Variants in C4orf51 observed in about 807,000 individuals in gnomAD.
The protein encoded by C4orf51 is uncharacterized protein C4orf51.
A neutral mutation model predicts 25.2 loss-of-function variants in C4orf51; 25 were observed. The ratio of observed to expected loss-of-function variants is 0.99; its 90% CI spans 0.72 to 1.39. The LOEUF is 1.39. C4orf51 is among the 40% of genes most tolerant of loss of function. The probability of loss-of-function intolerance (pLI) is 0.00; values close to 1 mark genes in which losing one functional copy is unlikely to be tolerated. For missense variants in C4orf51, 252 were observed against 239.6 expected, an observed-to-expected ratio of 1.05 and a Z score of -0.34; for synonymous variants, 100 against 84.5, an observed-to-expected ratio of 1.18 and a Z score of -1.01.
At chr4:145,777,152 C>T in the C4orf51 span, among the ~76,000 whole-genome samples, 1 of 152,154 alleles carries the variant, frequency 6.6e-6, no homozygotes, top group African/African-American at 2.4e-5. Flanking sequence ...TATAGGTGGT[C>T]CCCAACATCT....
chr4:145,739,854 AGTT>A (rs2126791014), intron 1 of C4orf51, among the ~76,000 whole-genome samples: 1 of 152,288 alleles, frequency 6.6e-6, no homozygotes, highest in East Asian at 1.9e-4. Context: ...TTGAGCTCCT[AGTT>A]GTTAGATGCT....
chr4:145,724,780 A>G (rs1405421684), intron 2 of C4orf51, among the ~76,000 whole-genome samples: 1 of 146,648 alleles, frequency 6.8e-6, no homozygotes, highest in East Asian at 2.2e-4. Flanking sequence ...GCTACTTGAG[A>G]GGCTGAGGCA....
intron 1 of C4orf51, among the ~76,000 whole-genome samples, chr4:145,744,195 A>C (rs1051057024): frequency 1.3e-5 from 2 of 151,762 alleles, no homozygotes; most frequent in Non-Finnish European, 2.9e-5. Context: ...TGGAGGGGGA[A>C]TCTTGGGGGG....
downstream of C4orf51, among the ~76,000 whole-genome samples, chr4:145,732,969 C>T (rs1189195082): frequency 1.3e-5 from 2 of 152,170 alleles, no homozygotes; most frequent in Admixed American, 1.3e-4. Flanking sequence ...GAGCCGGAGC[C>T]TTCCACCGCC....
chr4:145,690,302 A>C (rs1001436355), intron 1 of C4orf51, among the ~76,000 whole-genome samples: 1 of 151,950 alleles, frequency 6.6e-6, no homozygotes, highest in Non-Finnish European at 1.5e-5. Flanking sequence ...TCAGGAGATC[A>C]AGACCATCCT....
intron 2 of C4orf51, among the ~76,000 whole-genome samples, chr4:145,725,766 G>A (rs1042724278): frequency 6.6e-6 from 1 of 152,068 alleles, no homozygotes; most frequent in Non-Finnish European, 1.5e-5. Context: ...TGGTTTTCTA[G>A]TGCTGGTGGT....
At chr4:145,712,599 C>T (rs1355993743) in intron 2 of C4orf51, among the ~76,000 whole-genome samples, 2 of 152,178 alleles carry the variant, frequency 1.3e-5, no homozygotes, top group Non-Finnish European at 2.9e-5. Flanking sequence ...TTGAAGCTAG[C>T]AGTTGTTGTT....
chr4:145,704,055 CAG>C (rs1730638908), intron 2 of C4orf51, among the ~76,000 whole-genome samples: 1 of 152,200 alleles, frequency 6.6e-6, no homozygotes, highest in East Asian at 1.9e-4. Flanking sequence ...AATGCAGACT[CAG>C]AGCATGTCCA....
intron 1 of C4orf51, among the ~76,000 whole-genome samples, chr4:145,746,823 A>G (rs1733395161): frequency 6.6e-6 from 1 of 152,062 alleles, no homozygotes; most frequent in African/African-American, 2.4e-5. Flanking sequence ...CATTTTAACA[A>G]TATTGATTCT....
At chr4:145,778,244 C>T in the C4orf51 span, among the ~76,000 whole-genome samples, 1 of 152,224 alleles carries the variant, frequency 6.6e-6, no homozygotes, top group Non-Finnish European at 1.5e-5. Flanking sequence ...AGCAATTCTC[C>T]TGCCTCAGCC....
chr4:145,764,974 C>A, intron 1 of C4orf51: 4 of 1,610,992 alleles, frequency 2.5e-6, no homozygotes, highest in Non-Finnish European at 3.4e-6. Flanking sequence ...AGGTTCTGTA[C>A]TTGCTTTCCT....
chr4:145,680,352 G>T lies in C4orf51; in HGVS notation c.149G>T (p.Gly50Val). 6.2e-7 allele frequency: 1 copy of T among 1,613,912 alleles called. No individual in the cohort carries two copies. The highest frequency in any genetic ancestry group is 1.3e-5 in the African/African-American group (1 of 75,028). ...GATTCTTCCGTGACAACATACACAG[G>T]CAGTTACCGGAAAAAACAACTGGAC... ...WSDSSVTTYT[G>V]SYRKKQLDKS... The change falls in exon 1 of 6, where the codon GGC becomes GTC. Residue 50 changes from glycine to valine, a missense_variant. Coordinates refer to ENST00000438731, the MANE Select transcript of C4orf51 (RefSeq NM_001080531.3).
intron 1 of C4orf51, among the ~76,000 whole-genome samples, chr4:145,749,468 T>A (rs1485600773): frequency 6.6e-6 from 1 of 152,142 alleles, no homozygotes; most frequent in East Asian, 1.9e-4. Context: ...TCTGGTTGTT[T>A]TGTGGTCTTC....
chr4:145,713,758 G>A (rs556129355), intron 2 of C4orf51, among the ~76,000 whole-genome samples: 2 of 152,074 alleles, frequency 1.3e-5, no homozygotes, highest in East Asian at 1.9e-4. Flanking sequence ...TTAAATTAAG[G>A]TATGTCCATT....
chr4:145,738,169 G>A (rs1732901828), intron 1 of C4orf51, among the ~76,000 whole-genome samples: 2 of 152,174 alleles, frequency 1.3e-5, no homozygotes, highest in Non-Finnish European at 2.9e-5. Context: ...TATACTCCCA[G>A]CAGGGCTCAG....
chr4:145,776,174 C>A, the C4orf51 span, among the ~76,000 whole-genome samples: 1 of 152,094 alleles, frequency 6.6e-6, no homozygotes, highest in Admixed American at 6.6e-5. Flanking sequence ...AGAAAATCTC[C>A]GGCTGGGCAC....
chr4:145,686,233 T>C (rs540765191), intron 1 of C4orf51, among the ~76,000 whole-genome samples: 6 of 152,290 alleles, frequency 3.9e-5, no homozygotes, highest in Admixed American at 3.3e-4. Context: ...GAATACATGT[T>C]ACCAGAGGCT....
downstream of C4orf51, chr4:145,774,379 G>C (rs1008664509): frequency 9.5e-7 from 1 of 1,056,242 alleles, no homozygotes; most frequent in African/African-American, 1.6e-5. Context: ...CCTTGGGAAA[G>C]TCCTTCCTTC....
chr4:145,693,856 T>A (rs1729805618), intron 1 of C4orf51, among the ~76,000 whole-genome samples: 4 of 72,514 alleles, frequency 5.5e-5, no homozygotes. Context: ...CCCCCCCACC[T>A]CCCTCCCGGA....
Sources: gnomAD v4.1 joint callset for allele counts (sites outside exome capture counted in the v4.1 genomes callset) on GRCh38, gnomAD v4.1.1 for gene constraint, MANE v1.5 for transcripts, NCBI Gene and HGNC (gene_info 2026-07-23, HGNC 2026-07-21) for gene names.